Variants in IMMP2L observed in about 807,000 individuals in gnomAD.
IMMP2L encodes the protein inner mitochondrial membrane peptidase subunit 2.
In IMMP2L, 18 loss-of-function variants were observed where a neutral mutation model predicts 19.3. The observed-to-expected ratio is 0.93, with a 90% CI of 0.64 to 1.38. IMMP2L has a LOEUF of 1.38. Ranked by LOEUF, IMMP2L falls within the 40% of genes most tolerant of loss-of-function variation. The pLI, the probability that IMMP2L is intolerant of heterozygous loss-of-function variation, is 0.00. For synonymous variants in IMMP2L, 76 were observed against 73.0 expected (o/e 1.04, Z -0.21); for missense variants, 233 against 218.2 (o/e 1.07, Z -0.43).
At chr7:111,020,649 C>A (rs183420514) in intron 3 of IMMP2L, among the ~76,000 whole-genome samples, 126 of 152,156 alleles carry the variant, frequency 8.3e-4, no homozygotes, top group Admixed American at 3.7e-3. Context: ...GTAGTTCCAG[C>A]TACTCAGGAG....
At chr7:111,412,586 A>G (rs1316226810) in intron 3 of IMMP2L, among the ~76,000 whole-genome samples, 3 of 151,916 alleles carry the variant, frequency 2.0e-5, no homozygotes, top group African/African-American at 7.3e-5. Context: ...GAATAAAATG[A>G]AAACATAATA....
intron 3 of IMMP2L, among the ~76,000 whole-genome samples, chr7:111,001,788 C>T (rs1823726901): frequency 6.6e-6 from 1 of 152,060 alleles, no homozygotes; most frequent in Non-Finnish European, 1.5e-5. Flanking sequence ...GGACTCTTAT[C>T]AAAATATTTC....
At chr7:111,094,239 C>T (rs1429975451) in intron 3 of IMMP2L, among the ~76,000 whole-genome samples, 1 of 151,830 alleles carries the variant, frequency 6.6e-6, no homozygotes, top group East Asian at 1.9e-4. Flanking sequence ...ACCGGAGTTT[C>T]GTTTTAAAAA....
chr7:110,962,784 G>GT (rs923941130), intron 4 of IMMP2L: 5 of 1,154,188 alleles, frequency 4.3e-6, no homozygotes, highest in African/African-American at 3.2e-5. Flanking sequence ...TTAGGATCAA[G>GT]TTTTTTTAGA....
chr7:111,202,346 T>A lies in IMMP2L; in HGVS notation c.240-238781A>T, dbSNP rs576425794. On this transcript the variant is annotated intron_variant, in intron 3 of 5. Transcript: ENST00000405709. Reference sequence around the variant, plus strand: ...GTCCACCATGCTAACAATTCTCTGATAACAAGTTTCAAGAATCAAAAATAA... The same window carrying A: ...GTCCACCATGCTAACAATTCTCTGAAAACAAGTTTCAAGAATCAAAAATAA... Among the ~76,000 whole-genome samples, 16 of 152,298 alleles carry A rather than the reference T, an allele frequency of 1.1e-4. No individual in the cohort carries two copies. The South Asian group carries it at 3.1e-3, about 30-fold the overall frequency.
intron 5 of IMMP2L, among the ~76,000 whole-genome samples, chr7:110,851,399 C>G (rs1049093813): frequency 7.9e-5 from 12 of 152,130 alleles, no homozygotes; most frequent in Admixed American, 6.6e-4. Context: ...ATTAATGCCC[C>G]ATAAGCAAAC....
intron 3 of IMMP2L, among the ~76,000 whole-genome samples, chr7:111,179,978 AAG>A (rs1287985466): frequency 4.0e-5 from 6 of 151,852 alleles, no homozygotes; most frequent in African/African-American, 1.5e-4. Flanking sequence ...CACAGAATTG[AAG>A]AGAGTTAGGG....
intron 3 of IMMP2L, among the ~76,000 whole-genome samples, chr7:111,360,026 T>G (rs761394525): frequency 2.6e-5 from 4 of 152,290 alleles, no homozygotes; most frequent in Admixed American, 2.6e-4. Context: ...CAGTATAACA[T>G]CTGTTCACAA....
intron 2 of IMMP2L, among the ~76,000 whole-genome samples, chr7:111,503,893 C>G (rs1411939789): frequency 6.6e-6 from 1 of 152,058 alleles, no homozygotes; most frequent in Non-Finnish European, 1.5e-5. Flanking sequence ...TGGAAGCATT[C>G]CCTTTGAAAA....
chr7:111,251,967 C>G (rs1025066889), intron 3 of IMMP2L, among the ~76,000 whole-genome samples: 4 of 151,934 alleles, frequency 2.6e-5, no homozygotes, highest in Non-Finnish European at 5.9e-5. Context: ...TTAAACTTGT[C>G]TAAAGGTTTA....
At chr7:111,289,673 T>A (rs1355317703) in intron 3 of IMMP2L, among the ~76,000 whole-genome samples, 1 of 152,094 alleles carries the variant, frequency 6.6e-6, no homozygotes, top group African/African-American at 2.4e-5. Flanking sequence ...AAATAAACTT[T>A]ATACCTACTG....
intron 3 of IMMP2L, among the ~76,000 whole-genome samples, chr7:111,399,611 T>C (rs1833231390): frequency 6.6e-6 from 1 of 152,034 alleles, no homozygotes. Flanking sequence ...AGCCTCAGCC[T>C]CCCAAAGTGC....
intron 5 of IMMP2L, among the ~76,000 whole-genome samples, chr7:110,827,661 A>T (rs918968568): frequency 2.0e-5 from 3 of 152,170 alleles, no homozygotes; most frequent in African/African-American, 7.2e-5. Flanking sequence ...CAAAGAAGGG[A>T]GTAGCTGGAA....
chr7:110,787,049 A>C (rs942398609), intron 5 of IMMP2L, among the ~76,000 whole-genome samples: 1 of 152,156 alleles, frequency 6.6e-6, no homozygotes, highest in South Asian at 2.1e-4. Flanking sequence ...AAGAAAAAAA[A>C]TACAATTTTA....
intron 3 of IMMP2L, among the ~76,000 whole-genome samples, chr7:111,068,227 T>C (rs1794672269): frequency 6.6e-6 from 1 of 152,072 alleles, no homozygotes; most frequent in Non-Finnish European, 1.5e-5. Flanking sequence ...AGAAGACAGA[T>C]GGCTAAATTT....
At chr7:110,765,525 C>T (rs897928229) in intron 5 of IMMP2L, among the ~76,000 whole-genome samples, 10 of 152,064 alleles carry the variant, frequency 6.6e-5, no homozygotes, top group African/African-American at 2.4e-4. Flanking sequence ...GACATTACCA[C>T]AACCACTTTC....
At chr7:110,986,087 G>A (rs569079465) in intron 3 of IMMP2L, among the ~76,000 whole-genome samples, 1 of 152,240 alleles carries the variant, frequency 6.6e-6, no homozygotes, top group South Asian at 2.1e-4. Context: ...GGAAATTTAA[G>A]CTTTCAACAT....
At chr7:111,402,171 T>C (rs1833485170) in intron 3 of IMMP2L, among the ~76,000 whole-genome samples, 1 of 137,904 alleles carries the variant, frequency 7.3e-6, no homozygotes, top group African/African-American at 2.8e-5. Flanking sequence ...ATAATAATAA[T>C]ATTAAGTTAG....
chr7:111,218,937 G>C (rs1812239545), intron 3 of IMMP2L, among the ~76,000 whole-genome samples: 1 of 151,854 alleles, frequency 6.6e-6, no homozygotes, highest in African/African-American at 2.4e-5. Context: ...CCAGAGTTCT[G>C]CTTAAAATAT....
Sources: gnomAD v4.1 joint callset for allele counts (sites outside exome capture counted in the v4.1 genomes callset) on GRCh38, gnomAD v4.1.1 for gene constraint, MANE v1.5 for transcripts, NCBI Gene and HGNC (gene_info 2026-07-23, HGNC 2026-07-21) for gene names.